The following DAB2IP variants were observed in gnomAD, a reference collection of about 807,000 sequenced individuals.
DAB2IP encodes the protein disabled homolog 2-interacting protein.
DAB2IP carries 28 observed loss-of-function variants against 107.2 expected under a neutral mutation model. The ratio of observed to expected loss-of-function variants is 0.26; its 90% CI spans 0.19 to 0.36. The LOEUF is 0.36. Among genes scored for constraint, DAB2IP ranks in the 10% least tolerant of loss-of-function variants. The pLI is 1.00. For missense variants in DAB2IP, 1,400 were observed against 1,644.7 expected, an observed-to-expected ratio of 0.85 and a Z score of 2.57; for synonymous variants, 755 against 706.4, an observed-to-expected ratio of 1.07 and a Z score of -1.09.
chr9:121,669,230 C>A (rs747782526), intron 1 of DAB2IP, among the ~76,000 whole-genome samples: 3 of 152,086 alleles, frequency 2.0e-5, no homozygotes, highest in Non-Finnish European at 4.4e-5. Context: ...CCGCGCCCAG[C>A]CAGCCTTACT....
At position 121,643,328 on chromosome 9, in the gene DAB2IP, T is replaced by C. The variant is rs1368130920; in HGVS notation, c.41-35350T>C. 5.9e-5 allele frequency among the ~76,000 whole-genome samples: 9 copies of C among 151,982 alleles called. No homozygotes were observed. In the South Asian group the frequency reaches 1.9e-3, roughly 32 times the overall value. On this transcript the variant is annotated intron_variant, in intron 1 of 16. Transcript: ENST00000259371. ...GAGAGGCACCGTGACTTATTCAAGG[T>C]TGCACAGCCACACAGTGACAAATCT...
chr9:121,782,671 C>T lies in DAB2IP; in HGVS notation c.*173C>T. 1 of 1,441,030 alleles carries T rather than the reference C, an allele frequency of 6.9e-7. No homozygotes were observed. The highest frequency in any genetic ancestry group is 1.5e-5 in the South Asian group (1 of 68,520). 89.3% of individuals were successfully genotyped at this position (1,441,030 alleles called of 1,614,324 possible). A position where few individuals can be genotyped will look rare whatever the true frequency, so the allele number is the denominator to read the frequency against. ...CGGCCGCAGAGGGAGCCACCAGAGA[C>T]TGAAGCAGCGTGAGGCGAGGTCACC... On this transcript the variant is annotated 3_prime_UTR_variant, in exon 16 of 16. Transcript: ENST00000408936. The surrounding 1 kb of genome is among the most constrained non-coding windows in gnomAD (Gnocchi z 6.1).
intron 3 of DAB2IP, among the ~76,000 whole-genome samples, chr9:121,741,978 G>C (rs886957188): frequency 6.6e-6 from 1 of 152,142 alleles, no homozygotes; most frequent in South Asian, 2.1e-4. Flanking sequence ...CCTGGCTTCA[G>C]AGCTCATTTT....
Position 121,782,666 on chromosome 9 carries a change from A to G in DAB2IP, c.*168A>G. The G allele has an allele frequency of 1.4e-6, 2 of 1,446,358 alleles. No individual in the cohort carries two copies. The highest frequency in any genetic ancestry group is 1.8e-6 in the Non-Finnish European group (2 of 1,104,898). The allele number at this position is 1,446,358 out of a possible 1,614,324, so 89.6% of individuals were successfully genotyped here. A position where few individuals can be genotyped will look rare whatever the true frequency, so the allele number is the denominator to read the frequency against. Reference sequence around the variant, plus strand: ...GGAGGCGGCCGCAGAGGGAGCCACCAGAGACTGAAGCAGCGTGAGGCGAGG... The same window carrying G: ...GGAGGCGGCCGCAGAGGGAGCCACCGGAGACTGAAGCAGCGTGAGGCGAGG... On this transcript the variant is annotated 3_prime_UTR_variant, in exon 16 of 16. Coordinates refer to ENST00000408936, the Ensembl canonical transcript of DAB2IP. The surrounding 1 kb of genome is among the most constrained non-coding windows in gnomAD (Gnocchi z 6.1).
chr9:121,772,721 A>G lies in DAB2IP; in HGVS notation c.2193A>G (p.Glu731=). ...CTGCCCGCAGCTCGAGTTACTCGGA[A>G]GCCAACGAGCCTGATCTTCAGATGG... Residue 731 remains glutamate (E), a synonymous_variant, in exon 12 of 16, where the codon GAA becomes GAG. Coordinates refer to ENST00000408936, the Ensembl canonical transcript of DAB2IP. This position sits in a 1 kb window ranked among gnomAD's most constrained non-coding sequence, Gnocchi z 4.7. 6.2e-7 allele frequency: 1 copy of G among 1,613,964 alleles called. No individual in the cohort carries two copies. Among genetic ancestry groups the G allele is most frequent in the Non-Finnish European group, 8.5e-7 (1 of 1,180,000 alleles).
intron 1 of DAB2IP, among the ~76,000 whole-genome samples, chr9:121,598,970 C>A (rs972422137): frequency 2.0e-5 from 3 of 152,160 alleles, no homozygotes; most frequent in African/African-American, 7.2e-5. Context: ...CAGCTGGAGT[C>A]CTCGGGAGTT....
At chr9:121,696,326 T>C (rs1295964659) in intron 2 of DAB2IP, among the ~76,000 whole-genome samples, 1 of 152,180 alleles carries the variant, frequency 6.6e-6, no homozygotes, top group Non-Finnish European at 1.5e-5. Flanking sequence ...TGGGCTCCAC[T>C]GCGGTCCCGG....
chr9:121,714,832 G>A (rs571725936), intron 3 of DAB2IP, among the ~76,000 whole-genome samples: 4 of 152,224 alleles, frequency 2.6e-5, no homozygotes, highest in Non-Finnish European at 5.9e-5. Flanking sequence ...GGGCCTCCCC[G>A]ATGACAAAAG....
intron 1 of DAB2IP, among the ~76,000 whole-genome samples, chr9:121,658,991 C>T (rs756625486): frequency 2.6e-5 from 4 of 152,006 alleles, no homozygotes; most frequent in African/African-American, 4.8e-5. Context: ...AGAGTACTAT[C>T]GGCATCTGGG....
At chr9:121,630,120 G>A (rs1831820088) in intron 1 of DAB2IP, among the ~76,000 whole-genome samples, 1 of 152,142 alleles carries the variant, frequency 6.6e-6, no homozygotes, top group African/African-American at 2.4e-5. Context: ...TCCTATTATT[G>A]TGGACCTGAT....
At chr9:121,739,179 A>G (rs1340532568) in intron 3 of DAB2IP, among the ~76,000 whole-genome samples, 1 of 152,226 alleles carries the variant, frequency 6.6e-6, no homozygotes, top group Non-Finnish European at 1.5e-5. Context: ...TCAGGGAAGG[A>G]TTGAGTTGCA....
At chr9:121,678,070 T>C (rs1828361531) in intron 1 of DAB2IP, among the ~76,000 whole-genome samples, 1 of 152,250 alleles carries the variant, frequency 6.6e-6, no homozygotes, top group South Asian at 2.1e-4. Flanking sequence ...ATTTGTAATG[T>C]TCTGCAACCA....
At chr9:121,765,547 G>A (rs192234362) in intron 8 of DAB2IP, among the ~76,000 whole-genome samples, 37 of 152,302 alleles carry the variant, frequency 2.4e-4, no homozygotes, top group African/African-American at 7.9e-4. Context: ...TTAGCCTTAC[G>A]ATGGCTCTGT....
chr9:121,689,033 C>T (rs1378610009), intron 2 of DAB2IP, among the ~76,000 whole-genome samples: 1 of 152,234 alleles, frequency 6.6e-6, no homozygotes, highest in Non-Finnish European at 1.5e-5. Context: ...TGGCTCATGC[C>T]TGTAATCCCA....
At chr9:121,754,437 G>GCCTGC (rs1833336744) in intron 3 of DAB2IP, among the ~76,000 whole-genome samples, 1 of 152,084 alleles carries the variant, frequency 6.6e-6, no homozygotes, top group African/African-American at 2.4e-5. Context: ...GCCTCCCTGG[G>GCCTGC]CCTGCCCTGC....
Position 121,765,666 on chromosome 9 carries a change from T to C in DAB2IP, c.1461-828T>C, listed in dbSNP as rs550986492. 7.2e-5 allele frequency among the ~76,000 whole-genome samples: 11 copies of C among 152,276 alleles called. No individual in the cohort carries two copies. The South Asian group carries it at 2.1e-3, about 29-fold the overall frequency. On this transcript the variant is annotated intron_variant, in intron 8 of 15. Coordinates refer to ENST00000408936, the Ensembl canonical transcript of DAB2IP. ...ACCCTGAGCTCATGGCAGAGCCAAG[T>C]GTAGACTGAGTTCACGGACCACTGG...
intron 3 of DAB2IP, among the ~76,000 whole-genome samples, chr9:121,731,908 G>A (rs746240504): frequency 4.6e-5 from 7 of 152,172 alleles, no homozygotes; most frequent in African/African-American, 1.2e-4. Flanking sequence ...CTCGGACCTC[G>A]TGTAGACATG....
intron 1 of DAB2IP, among the ~76,000 whole-genome samples, chr9:121,587,956 T>C (rs971705677): frequency 1.3e-5 from 2 of 152,244 alleles, no homozygotes; most frequent in African/African-American, 2.4e-5. Flanking sequence ...CTGGCAATCC[T>C]ACCCCCATCT....
At chr9:121,666,192 C>T (rs1833413509) in intron 1 of DAB2IP, among the ~76,000 whole-genome samples, 2 of 152,170 alleles carry the variant, frequency 1.3e-5, no homozygotes, top group African/African-American at 2.4e-5. Flanking sequence ...CTTCCATCAT[C>T]GCATTGCTTT....
Sources: allele counts gnomAD v4.1 joint callset (sites outside exome capture counted in the v4.1 genomes callset), GRCh38; gene constraint gnomAD v4.1.1; non-coding constraint Gnocchi (gnomAD v3.1); transcripts MANE v1.5; gene names NCBI Gene and HGNC (gene_info 2026-07-23, HGNC 2026-07-21).